Variants in BCL2L13 observed in about 807,000 individuals in gnomAD.
BCL2L13 encodes the protein BCL2 like 13, also known as bcl-2-like protein 13.
In BCL2L13, 13 loss-of-function variants were observed where a neutral mutation model predicts 25.8. The observed-to-expected ratio is 0.50, with a 90% CI of 0.33 to 0.80. The LOEUF (loss-of-function observed/expected upper bound fraction) is 0.80. Ranked by LOEUF, BCL2L13 falls within the 30% of genes least tolerant of loss-of-function variation. The probability of loss-of-function intolerance (pLI) is 0.02; values close to 1 mark genes in which losing one functional copy is unlikely to be tolerated. For synonymous variants in BCL2L13, 244 were observed against 230.3 expected (o/e 1.06, Z -0.54); for missense variants, 504 against 574.9 (o/e 0.88, Z 1.26).
intron 2 of BCL2L13, among the ~76,000 whole-genome samples, chr22:17,671,584 T>A (rs1227605923): frequency 6.6e-6 from 1 of 151,030 alleles, no homozygotes; most frequent in Non-Finnish European, 1.5e-5. Context: ...AAAAAAATCT[T>A]GCTCCTTTAT....
At chr22:17,691,084 T>A (rs114159652) in intron 4 of BCL2L13, among the ~76,000 whole-genome samples, 143 of 152,170 alleles carry the variant, frequency 9.4e-4, no homozygotes, top group African/African-American at 3.3e-3. Flanking sequence ...AGACTAGTCT[T>A]ATAACTCCTG....
chr22:17,661,885 G>C (rs1053822373), intron 2 of BCL2L13, among the ~76,000 whole-genome samples: 1 of 151,548 alleles, frequency 6.6e-6, no homozygotes, highest in African/African-American at 2.4e-5. Context: ...CAGCTACTGG[G>C]GAGGCTGAGG....
At chr22:17,708,173 A>T (rs1232350257) in intron 6 of BCL2L13, among the ~76,000 whole-genome samples, 1 of 152,146 alleles carries the variant, frequency 6.6e-6, no homozygotes, top group East Asian at 1.9e-4. Context: ...TCCCTTTTTA[A>T]TTGAAGAGTT....
intron 2 of BCL2L13, among the ~76,000 whole-genome samples, chr22:17,671,393 CAAAAAAA>C (rs33951569): frequency 2.9e-5 from 2 of 69,102 alleles, no homozygotes; most frequent in African/African-American, 6.3e-5. Context: ...GACTCCATCT[CAAAAAAA>C]AAAAAAAAAA....
Position 17,662,063 on chromosome 22 carries a change from A to C in BCL2L13, c.121+6231A>C, listed in dbSNP as rs976461598. ...TTGTTACTTTAATTGACATTTTTTC[A>C]GGGATATTAGATTTACACAATGAAT... is the stretch of plus-strand genomic sequence containing the variant. On this transcript the variant is annotated intron_variant, in intron 2 of 6. Transcript: ENST00000317582. 3.3e-5 allele frequency among the ~76,000 whole-genome samples: 5 copies of C among 152,024 alleles called. No individual in the cohort carries two copies. The South Asian group carries it at 1.0e-3, about 31-fold the overall frequency.
At chr22:17,659,980 C>T (rs1022074343) in intron 2 of BCL2L13, among the ~76,000 whole-genome samples, 3 of 146,180 alleles carry the variant, frequency 2.1e-5, no homozygotes, top group East Asian at 1.9e-4. Context: ...CTCAGCCTCC[C>T]GAGTAGCTGG....
At chr22:17,666,467 A>G (rs1196032813) in intron 2 of BCL2L13, among the ~76,000 whole-genome samples, 1 of 151,950 alleles carries the variant, frequency 6.6e-6, no homozygotes, top group Non-Finnish European at 1.5e-5. Context: ...CCCATTAACC[A>G]TCCCCACCTC....
chr22:17,676,038 G>A (rs542531963), intron 2 of BCL2L13, among the ~76,000 whole-genome samples: 1 of 152,290 alleles, frequency 6.6e-6, no homozygotes, highest in Admixed American at 6.5e-5. Flanking sequence ...GAGATAAGGG[G>A]CCAGGAAAGA....
At chr22:17,641,305 C>T (rs1402813966) in intron 1 of BCL2L13, among the ~76,000 whole-genome samples, 1 of 152,146 alleles carries the variant, frequency 6.6e-6, no homozygotes, top group Non-Finnish European at 1.5e-5. Context: ...TGATTTGTAT[C>T]TTATTCCAAA....
intron 1 of BCL2L13, among the ~76,000 whole-genome samples, chr22:17,646,951 ATATATT>A (rs1157357894): frequency 5.2e-3 from 114 of 21,836 alleles, no homozygotes; most frequent in East Asian, 9.7e-3. Context: ...ATATATATAT[ATATATT>A]TTTTTTTTTT....
At chr22:17,663,956 C>T (rs759364309) in intron 2 of BCL2L13, among the ~76,000 whole-genome samples, 2 of 152,140 alleles carry the variant, frequency 1.3e-5, no homozygotes, top group Non-Finnish European at 2.9e-5. Flanking sequence ...CCAAGTGATC[C>T]TCCTGGCTCA....
At chr22:17,644,113 G>T (rs2058388544) in intron 1 of BCL2L13, among the ~76,000 whole-genome samples, 1 of 150,998 alleles carries the variant, frequency 6.6e-6, no homozygotes, top group African/African-American at 2.5e-5. Flanking sequence ...ATTTCACCAT[G>T]TTGGCCAGGC....
Position 17,662,908 on chromosome 22 carries a change from C to T in BCL2L13, c.121+7076C>T, listed in dbSNP as rs148802057. ...TTGTTTTTTGACACAGAGTCTCTCTCTTGCCCAGGCTGGTGTGCAGTGTTG... is the reference window on the plus strand; with the variant it reads ...TTGTTTTTTGACACAGAGTCTCTCTTTTGCCCAGGCTGGTGTGCAGTGTTG... On this transcript the variant is annotated intron_variant, in intron 2 of 6. Coordinates refer to ENST00000317582, the MANE Select transcript of BCL2L13 (RefSeq NM_015367.4). 3.3e-3 allele frequency among the ~76,000 whole-genome samples: 499 copies of T among 152,286 alleles called. 4 individuals carry two copies. Among genetic ancestry groups the T allele is most frequent in the Non-Finnish European group, 2.6e-3 (178 of 68,026 alleles).
At chr22:17,696,666 A>G (rs1159910918) in intron 5 of BCL2L13, among the ~76,000 whole-genome samples, 1 of 152,178 alleles carries the variant, frequency 6.6e-6, no homozygotes, top group African/African-American at 2.4e-5. Flanking sequence ...TTTGCAGAAG[A>G]CAGAATGGAT....
intron 6 of BCL2L13, among the ~76,000 whole-genome samples, chr22:17,706,069 A>G (rs1282930202): frequency 6.6e-6 from 1 of 152,216 alleles, no homozygotes; most frequent in South Asian, 2.1e-4. Context: ...GCTGGAGTAC[A>G]GTGGCATGAT....
At chr22:17,656,327 A>T (rs1459812738) in intron 2 of BCL2L13, among the ~76,000 whole-genome samples, 6 of 93,326 alleles carry the variant, frequency 6.4e-5, no homozygotes, top group East Asian at 3.5e-4. Context: ...ATTTTTTTTC[A>T]TTTTATTCTT....
chr22:17,670,532 G>T (rs1482690237), intron 2 of BCL2L13, among the ~76,000 whole-genome samples: 1 of 151,942 alleles, frequency 6.6e-6, no homozygotes, highest in Admixed American at 6.6e-5. Context: ...GCGCCATCAT[G>T]CCTGGCTTAT....
intron 6 of BCL2L13, among the ~76,000 whole-genome samples, chr22:17,719,301 T>G (rs1284621456): frequency 6.6e-6 from 1 of 152,084 alleles, no homozygotes; most frequent in East Asian, 1.9e-4. Context: ...GAAAAGATGT[T>G]CAACATCATT....
chr22:17,641,788 CATAAT>C (rs1404801142), intron 1 of BCL2L13, among the ~76,000 whole-genome samples: 4 of 149,018 alleles, frequency 2.7e-5, no homozygotes, highest in African/African-American at 9.9e-5. Flanking sequence ...AATGGGATCA[CATAAT>C]ATGTGTTTTT....
Sources: gnomAD v4.1 joint callset for allele counts (sites outside exome capture counted in the v4.1 genomes callset) on GRCh38, gnomAD v4.1.1 for gene constraint, MANE v1.5 for transcripts, NCBI Gene and HGNC (gene_info 2026-07-23, HGNC 2026-07-21) for gene names.